CR1: variants seen among roughly 807,000 people sequenced by gnomAD.
The protein encoded by CR1 is complement C3b/C4b receptor 1 (Knops blood group).
In CR1, 116 loss-of-function variants were observed where a neutral mutation model predicts 187.3. The ratio of observed to expected loss-of-function variants is 0.62; its 90% CI spans 0.53 to 0.72. The LOEUF is 0.72. Ranked by LOEUF, CR1 falls within the 30% of genes least tolerant of loss-of-function variation. The probability of loss-of-function intolerance (pLI) is 0.00; values close to 1 mark genes in which losing one functional copy is unlikely to be tolerated. For missense variants in CR1, 1,731 were observed against 2,110.7 expected, an observed-to-expected ratio of 0.82 and a Z score of 3.52; for synonymous variants, 576 against 747.1, an observed-to-expected ratio of 0.77 and a Z score of 3.73.
chr1:207,566,588 G>A (rs1660505033), intron 24 of CR1, among the ~76,000 whole-genome samples: 1 of 150,128 alleles, frequency 6.7e-6, no homozygotes, highest in Non-Finnish European at 1.5e-5. Flanking sequence ...TGAGGAATGA[G>A]GCAAAAATGG....
At chr1:207,581,437 A>ATG (rs1253975897) in intron 31 of CR1, among the ~76,000 whole-genome samples, 2 of 150,866 alleles carry the variant, frequency 1.3e-5, no homozygotes, top group Non-Finnish European at 1.5e-5. Context: ...ATATATACAT[A>ATG]TGTATATACA....
At position 207,575,660 on chromosome 1, in the gene CR1, C is replaced by T. The variant is rs746467906; in HGVS notation, c.4517C>T (p.Thr1506Met). The change falls in exon 28 of 47, where the codon ACG becomes ATG. Residue 1506 changes from threonine (T) to methionine (M), a missense_variant. Physicochemically the swap from Thr to Met is moderately conservative, Grantham distance 81. Around this residue, in one of 5 missense-constraint regions of CR1, gnomAD observed 1,312 missense variants for 1,379.6 expected, o/e 0.95. Coordinates refer to ENST00000367049, the MANE Select transcript of CR1 (RefSeq NM_000651.6). The part of the protein sequence containing the change: ...ILSGNTAHWS[T>M]KPPICQRIPC... ...TCAGGCAATACTGCCCATTGGAGCA[C>T]GAAGCCGCCAATTTGTCAACGTGAG... is the stretch of plus-strand genomic sequence containing the variant. 56 of 1,611,786 alleles carry T rather than the reference C, an allele frequency of 3.5e-5. No homozygotes were observed. Among genetic ancestry groups the T allele is most frequent in the South Asian group, 2.3e-4 (21 of 90,992 alleles).
In CR1 at chr1:207,523,594, G is replaced by T; in HGVS notation, c.488-17G>T. 1 of 1,613,734 alleles carries T rather than the reference G, an allele frequency of 6.2e-7. No homozygotes were observed. The highest frequency in any genetic ancestry group is 8.5e-7 in the Non-Finnish European group (1 of 1,179,846). On this transcript the variant is annotated splice_polypyrimidine_tract_variant and intron_variant, in intron 4 of 46. Transcript: ENST00000367049. ...ATTTAAACTGACTGTTATTTATCCTGCTCTTCCTTTTTCCAGGAATTCCTT... is the reference window on the plus strand; with the variant it reads ...ATTTAAACTGACTGTTATTTATCCTTCTCTTCCTTTTTCCAGGAATTCCTT...
chr1:207,584,631 C>T lies in CR1; in HGVS notation c.5303-18C>T, dbSNP rs1198511458. The T allele has an allele frequency of 6.2e-6, 10 of 1,610,538 alleles. No homozygotes were observed. The highest frequency in any genetic ancestry group is 1.7e-5 in the Admixed American group (1 of 59,666). On this transcript the variant is annotated intron_variant, in intron 32 of 46. Coordinates refer to ENST00000367049, the MANE Select transcript of CR1 (RefSeq NM_000651.6). ...TTAAAATTTTTTATGGAATTGAGAG[C>T]TCTTGTTTTCTTTCTAGATATCTTT... is the stretch of plus-strand genomic sequence containing the variant.
chr1:207,575,202 TACACACAC>T (rs56173301), intron 27 of CR1, among the ~76,000 whole-genome samples: 247 of 149,390 alleles, frequency 1.7e-3, no homozygotes, highest in African/African-American at 3.9e-3. Flanking sequence ...CATAGTATTA[TACACACAC>T]ACACACACAC....
At chr1:207,524,447 C>T (rs1292397795) in intron 5 of CR1, among the ~76,000 whole-genome samples, 1 of 152,004 alleles carries the variant, frequency 6.6e-6, no homozygotes, top group African/African-American at 2.4e-5. Context: ...GCTGTGGTGC[C>T]ATCATGACTT....
At chr1:207,624,202 A>G (rs1177592355) in intron 45 of CR1, among the ~76,000 whole-genome samples, 2 of 152,130 alleles carry the variant, frequency 1.3e-5, no homozygotes, top group East Asian at 3.9e-4. Flanking sequence ...CTGGGATTAC[A>G]GGTGTGAGCC....
At position 207,611,681 on chromosome 1, in the gene CR1, T is replaced by C; in HGVS notation, c.6300T>C (p.Cys2100=). 6.2e-7 allele frequency: 1 copy of C among 1,613,788 alleles called. No individual in the cohort carries two copies. The highest frequency in any genetic ancestry group is 1.1e-5 in the South Asian group (1 of 91,070). Residue 2100 remains cysteine, a synonymous_variant, in exon 38 of 47, where the codon TGT becomes TGC. Transcript: ENST00000367049. The stretch of plus-strand genomic sequence containing the variant: ...CTGGAACTGTCCTTTCCACAGTGTG[T>C]CAGCCGCCTCCAGAAATCCTGCATG... The part of the protein sequence containing the change: ...GPKLPHCSRV[C]QPPPEILHGE...
intron 35 of CR1, among the ~76,000 whole-genome samples, chr1:207,595,800 T>A (rs1427110852): frequency 6.6e-6 from 1 of 151,294 alleles, no homozygotes; most frequent in Non-Finnish European, 1.5e-5. Context: ...TTAAATGGGG[T>A]CACTAAAACT....
chr1:207,544,874 C>T (rs1353136879), intron 13 of CR1, among the ~76,000 whole-genome samples: 2 of 58,312 alleles, frequency 3.4e-5, no homozygotes, highest in Admixed American at 2.2e-4. Flanking sequence ...GATGGAGGGA[C>T]CTATTAGATG....
rs779124135 is a variant in CR1 at position 207,506,199 on chromosome 1, T to C, written c.301+116T>C. 1.1e-4 allele frequency: 127 copies of C among 1,201,026 alleles called. 1 individual carries two copies. Among genetic ancestry groups the C allele is most frequent in the African/African-American group, 1.4e-4 (9 of 65,480 alleles). 74.4% of individuals were successfully genotyped at this position (1,201,026 alleles called of 1,614,324 possible). A position where few individuals can be genotyped will look rare whatever the true frequency, so the allele number is the denominator to read the frequency against. ...TGACAATTAGTTTGCCAAGGTGCAATACATATGAGAATTATTCTTGTAGAT... is the reference window on the plus strand; with the variant it reads ...TGACAATTAGTTTGCCAAGGTGCAACACATATGAGAATTATTCTTGTAGAT... On this transcript the variant is annotated intron_variant, in intron 2 of 46. Transcript: ENST00000367049.
chr1:207,584,886 C>T lies in CR1; in HGVS notation c.5530+10C>T, dbSNP rs758766544. On this transcript the variant is annotated intron_variant, in intron 33 of 46. Coordinates refer to ENST00000367049, the MANE Select transcript of CR1 (RefSeq NM_000651.6). ...CTTTCTGTTCGTGCTGGTCAGTATC[C>T]ACTTCCACATATCCTAAATGGGTTC... The T allele has an allele frequency of 5.0e-6, 8 of 1,613,720 alleles. No individual in the cohort carries two copies. The highest frequency in any genetic ancestry group is 2.2e-5 in the East Asian group (1 of 44,886).
chr1:207,602,744 G>A (rs914584028), intron 35 of CR1, among the ~76,000 whole-genome samples: 1 of 152,026 alleles, frequency 6.6e-6, no homozygotes, highest in Non-Finnish European at 1.5e-5. Flanking sequence ...TTAACTGATG[G>A]TTGTTTACCT....
At chr1:207,577,666 A>G (rs1660794985) in intron 28 of CR1, 139 bp from the exon 29 acceptor site, 1 of 1,331,124 alleles carries the variant, frequency 7.5e-7, no homozygotes, top group Non-Finnish European at 1.0e-6. Flanking sequence ...GCTACTCGGG[A>G]GGTTGAGGTG....
intron 1 of CR1, among the ~76,000 whole-genome samples, chr1:207,505,515 G>A (rs1429161216): frequency 6.6e-6 from 1 of 152,012 alleles, no homozygotes. Context: ...CATCTATGAA[G>A]TATATTGGAG....
Position 207,602,763 on chromosome 1 carries a change from G to A in CR1, c.5811-4488G>A, listed in dbSNP as rs193112716. Among the ~76,000 whole-genome samples, 12 of 152,128 alleles carry A rather than the reference G, an allele frequency of 7.9e-5. No homozygotes were observed. The East Asian group carries it at 9.7e-4, about 12-fold the overall frequency. ...CTGATGGTTGTTTACCTGAAAACCC[G>A]AAGGAATTATTTGAAAGGTTATTAG... On this transcript the variant is annotated intron_variant, in intron 35 of 46. Transcript: ENST00000367049.
Position 207,578,308 on chromosome 1 carries a change from G to A in CR1, c.4936+105G>A, listed in dbSNP as rs1248168648. On this transcript the variant is annotated intron_variant, in intron 29 of 46. Transcript: ENST00000367049. ...GGGAGGTATGTATGGTGAGGAGGGT[G>A]GGAAAGTAAGTTTTGGGGGAAGAAG... 87 of 1,593,506 alleles carry A rather than the reference G, an allele frequency of 5.5e-5. 1 individual carries two copies. The highest frequency in any genetic ancestry group is 7.3e-5 in the Non-Finnish European group (85 of 1,169,596).
chr1:207,588,792 T>C lies in CR1; in HGVS notation c.5810+18T>C, dbSNP rs1460970993. ...AATGAAGGGTGAGTTGAGAATACCA[T>C]CTCTTGAATATGAGTTCCAGAACAG... On this transcript the variant is annotated intron_variant, in intron 35 of 46. Coordinates refer to ENST00000367049, the MANE Select transcript of CR1 (RefSeq NM_000651.6). The C allele has an allele frequency of 1.9e-6, 3 of 1,539,186 alleles. No individual in the cohort carries two copies. The highest frequency in any genetic ancestry group is 2.7e-6 in the Non-Finnish European group (3 of 1,120,032).
chr1:207,620,207 C>A, intron 43 of CR1, 142 bp downstream of exon 43: 2 of 801,458 alleles, frequency 2.5e-6, no homozygotes, highest in Non-Finnish European at 3.7e-6. Flanking sequence ...CCACCTATTC[C>A]AAAACTCCCA....
Sources: allele counts gnomAD v4.1 joint callset (sites outside exome capture counted in the v4.1 genomes callset), GRCh38; gene constraint gnomAD v4.1.1; regional missense constraint gnomAD v4.1.1; transcripts MANE v1.5; gene names NCBI Gene and HGNC (gene_info 2026-07-23, HGNC 2026-07-21).